Variants in OXR1 observed in about 807,000 individuals in gnomAD.
OXR1 encodes oxidation resistance protein 1.
Under a neutral mutation model 104.6 loss-of-function variants are expected in OXR1, and 41 were observed. The ratio of observed to expected loss-of-function variants is 0.39; its 90% CI spans 0.31 to 0.51. OXR1 has a LOEUF of 0.51. Ranked by LOEUF, OXR1 falls within the 20% of genes least tolerant of loss-of-function variation. OXR1 has a pLI of 0.77. For missense variants in OXR1, 955 were observed against 1,031.9 expected (o/e 0.93, Z 1.02); for synonymous variants, 348 against 348.4 (o/e 1.00, Z 0.01).
chr8:106,288,678 G>T (rs920219905), intron 1 of OXR1, among the ~76,000 whole-genome samples: 4 of 144,824 alleles, frequency 2.8e-5, no homozygotes, highest in Non-Finnish European at 4.5e-5. Context: ...TTAAATTTAT[G>T]TATTAAATAT....
At chr8:106,644,647 G>A (rs559151244) in intron 3 of OXR1, among the ~76,000 whole-genome samples, 61 of 152,226 alleles carry the variant, frequency 4.0e-4, no homozygotes, top group African/African-American at 1.4e-3. Flanking sequence ...CACCTGGAGC[G>A]TAAAACACTG....
chr8:106,561,044 A>C (rs1816638934), intron 3 of OXR1, among the ~76,000 whole-genome samples: 2 of 152,074 alleles, frequency 1.3e-5, no homozygotes, highest in Non-Finnish European at 2.9e-5. Flanking sequence ...GGGTGTATAC[A>C]CCACAAGGGC....
rs139445251 is a variant in OXR1 at position 106,586,267 on chromosome 8, G to A, written c.220+67128G>A. On this transcript the variant is annotated intron_variant, in intron 3 of 16. Transcript: ENST00000517566. The stretch of plus-strand genomic sequence containing the variant: ...TCTGTATATACTTTAAAGATAGAGC[G>A]GACACATTTTCCTGGTGAATACGAT... Among the ~76,000 whole-genome samples the A allele has an allele frequency of 5.8e-4, 88 of 152,088 alleles. No individual in the cohort carries two copies. In the East Asian group the frequency reaches 0.014, roughly 24 times the overall value.
chr8:106,396,556 C>G (rs12678888), intron 2 of OXR1, among the ~76,000 whole-genome samples: 96,648 of 151,902 alleles, frequency 0.64, 30,948 homozygotes, highest in Middle Eastern at 0.69. Context: ...CTGAGAAACT[C>G]TCACAGACCA....
chr8:106,682,816 A>C (rs1828309995), intron 4 of OXR1, among the ~76,000 whole-genome samples: 1 of 152,186 alleles, frequency 6.6e-6, no homozygotes, highest in African/African-American at 2.4e-5. Context: ...ATACAGGTGT[A>C]CTTTGCAAAA....
Position 106,460,600 on chromosome 8 carries a change from ACTG to A in OXR1, c.24-58339_24-58337del, listed in dbSNP as rs146472910. Among the ~76,000 whole-genome samples the A allele has an allele frequency of 5.3e-4, 81 of 152,314 alleles. 2 individuals are homozygous for A. In the East Asian group the frequency reaches 0.015, roughly 29 times the overall value. ...CTCATGCCTGGGCAAAACCAGGTTC[ACTG>A]CTGGTGAAACAATTTGTAGAATATT... On this transcript the variant is annotated intron_variant, in intron 2 of 16. Transcript: ENST00000517566.
At chr8:106,392,569 T>C (rs1418515987) in intron 2 of OXR1, among the ~76,000 whole-genome samples, 1 of 152,158 alleles carries the variant, frequency 6.6e-6, no homozygotes, top group Non-Finnish European at 1.5e-5. Flanking sequence ...TTGCTTATGA[T>C]ATGCAGTGAT....
At chr8:106,358,212 A>T (rs1816064215) in intron 1 of OXR1, among the ~76,000 whole-genome samples, 1 of 152,212 alleles carries the variant, frequency 6.6e-6, no homozygotes, top group Non-Finnish European at 1.5e-5. Context: ...TACAAGAAAG[A>T]ATACACCTCC....
intron 1 of OXR1, among the ~76,000 whole-genome samples, chr8:106,330,962 G>T (rs1257625699): frequency 6.6e-6 from 1 of 152,138 alleles, no homozygotes; most frequent in Non-Finnish European, 1.5e-5. Flanking sequence ...CCCAAAAATG[G>T]TAGTTAAAAG....
At chr8:106,533,206 G>T (rs766719432) in intron 3 of OXR1, among the ~76,000 whole-genome samples, 21 of 152,300 alleles carry the variant, frequency 1.4e-4, no homozygotes, top group Middle Eastern at 6.8e-3. Flanking sequence ...AAATAGGAAA[G>T]GACGTTGAGA....
At chr8:106,370,264 G>C (rs867839634) in intron 2 of OXR1, among the ~76,000 whole-genome samples, 1 of 152,170 alleles carries the variant, frequency 6.6e-6, no homozygotes, top group Non-Finnish European at 1.5e-5. Flanking sequence ...CTGAGACTGC[G>C]CTGAAGTTGC....
At chr8:106,284,470 T>G (rs1812411473) in intron 1 of OXR1, among the ~76,000 whole-genome samples, 1 of 152,110 alleles carries the variant, frequency 6.6e-6, no homozygotes, top group Non-Finnish European at 1.5e-5. Context: ...GGGGGTGACA[T>G]GATCAACCAT....
At chr8:106,303,429 G>C (rs1813344649) in intron 1 of OXR1, among the ~76,000 whole-genome samples, 1 of 150,908 alleles carries the variant, frequency 6.6e-6, no homozygotes, top group South Asian at 2.1e-4. Context: ...TAGTAGAGAC[G>C]GGGTTTCACT....
At chr8:106,631,898 C>T (rs541940305) in intron 3 of OXR1, among the ~76,000 whole-genome samples, 1 of 152,246 alleles carries the variant, frequency 6.6e-6, no homozygotes, top group African/African-American at 2.4e-5. Flanking sequence ...CTATTTATTA[C>T]AGCACCTTAT....
intron 3 of OXR1, among the ~76,000 whole-genome samples, chr8:106,613,892 T>G (rs1820993627): frequency 6.6e-6 from 1 of 152,238 alleles, no homozygotes; most frequent in Admixed American, 6.5e-5. Flanking sequence ...CTGGAAAGCC[T>G]TGTTTTAGAA....
At chr8:106,414,641 A>G (rs991806455) in intron 2 of OXR1, among the ~76,000 whole-genome samples, 1 of 152,158 alleles carries the variant, frequency 6.6e-6, no homozygotes, top group African/African-American at 2.4e-5. Context: ...TGGGATGTTA[A>G]CAAGGGGAAG....
At chr8:106,681,256 TAC>T (rs1264267877) in intron 4 of OXR1, among the ~76,000 whole-genome samples, 1 of 152,210 alleles carries the variant, frequency 6.6e-6, no homozygotes, top group Non-Finnish European at 1.5e-5. Context: ...ATCATTTGTT[TAC>T]AGAGACCTTT....
At chr8:106,406,699 G>C (rs1337644411) in intron 2 of OXR1, among the ~76,000 whole-genome samples, 1 of 152,162 alleles carries the variant, frequency 6.6e-6, no homozygotes, top group Non-Finnish European at 1.5e-5. Flanking sequence ...ACTCAGGAGA[G>C]AGGGATGAAT....
At chr8:106,432,870 T>C (rs558239628) in intron 2 of OXR1, among the ~76,000 whole-genome samples, 1 of 152,240 alleles carries the variant, frequency 6.6e-6, no homozygotes, top group African/African-American at 2.4e-5. Context: ...AATATGGGAA[T>C]CTAGTGTTTT....
Sources: gnomAD v4.1 joint callset for allele counts (sites outside exome capture counted in the v4.1 genomes callset) on GRCh38, gnomAD v4.1.1 for gene constraint, MANE v1.5 for transcripts, NCBI Gene and HGNC (gene_info 2026-07-23, HGNC 2026-07-21) for gene names.